The following CEP112 variants were observed in gnomAD, a reference collection of about 807,000 sequenced individuals.
CEP112 encodes the protein centrosomal protein of 112 kDa.
In CEP112, 127 loss-of-function variants were observed where a neutral mutation model predicts 153.0. The ratio of observed to expected loss-of-function variants is 0.83; its 90% CI spans 0.72 to 0.96. CEP112 has a LOEUF of 0.96. Among genes scored for constraint, CEP112 ranks in the 40% least tolerant of loss-of-function variants. The pLI, the probability that CEP112 is intolerant of heterozygous loss-of-function variation, is 0.00. For missense variants in CEP112, 1,089 were observed against 1,101.2 expected, an observed-to-expected ratio of 0.99 and a Z score of 0.16; for synonymous variants, 358 against 374.4, an observed-to-expected ratio of 0.96 and a Z score of 0.51.
At chr17:66,158,096 C>T (rs1259819317) in intron 4 of CEP112, among the ~76,000 whole-genome samples, 1 of 152,160 alleles carries the variant, frequency 6.6e-6, no homozygotes, top group East Asian at 1.9e-4. Context: ...TTCTTCTTAG[C>T]ACCATATCAC....
chr17:65,971,479 G>A (rs1347248277), intron 17 of CEP112, among the ~76,000 whole-genome samples: 2 of 149,944 alleles, frequency 1.3e-5, no homozygotes, highest in African/African-American at 5.0e-5. Flanking sequence ...TATCATGCAT[G>A]TATGACATGA....
intron 23 of CEP112, among the ~76,000 whole-genome samples, chr17:65,725,235 G>T (rs968335772): frequency 6.6e-6 from 1 of 152,172 alleles, no homozygotes; most frequent in Non-Finnish European, 1.5e-5. Context: ...AGTAAGGTTG[G>T]TGTTGATGTG....
At chr17:65,650,708 C>T (rs1045710766) in intron 24 of CEP112, among the ~76,000 whole-genome samples, 3 of 129,902 alleles carry the variant, frequency 2.3e-5, no homozygotes, top group Non-Finnish European at 4.7e-5. Context: ...CCAGCCTAGC[C>T]AACATGGTGA....
chr17:65,818,443 C>T (rs1438770508), intron 21 of CEP112, among the ~76,000 whole-genome samples: 1 of 151,736 alleles, frequency 6.6e-6, no homozygotes, highest in African/African-American at 2.4e-5. Context: ...ATATCTCAGC[C>T]CCTTCCTTAC....
chr17:65,978,959 C>G (rs866007643), intron 17 of CEP112, among the ~76,000 whole-genome samples: 11 of 152,288 alleles, frequency 7.2e-5, no homozygotes, highest in Admixed American at 3.9e-4. Context: ...AAATTTCCCT[C>G]TCAACTGGAA....
intron 12 of CEP112, among the ~76,000 whole-genome samples, chr17:66,031,698 G>A (rs1187854183): frequency 1.3e-5 from 2 of 152,012 alleles, no homozygotes; most frequent in Non-Finnish European, 2.9e-5. Flanking sequence ...CTGGCCTCAT[G>A]CAATTCACCC....
rs375401274 is a variant in CEP112, at chr17:65,700,100, TTCCTCCTCC to T, written c.2608-10891_2608-10883del. ...CACATGCTTTCTGCTCCTCCTCCTCTTCCTCCTCCTCCTCCTCCTCCTCTTCTCTCTCAC... is the reference window on the plus strand; with the variant it reads ...CACATGCTTTCTGCTCCTCCTCCTCTTCCTCCTCCTCCTCTTCTCTCTCAC... On this transcript the variant is annotated intron_variant, in intron 23 of 26. Coordinates refer to ENST00000535342, the MANE Select transcript of CEP112 (RefSeq NM_001199165.4). 3.4e-3 allele frequency among the ~76,000 whole-genome samples: 521 copies of T among 151,248 alleles called. 2 individuals carry two copies. The highest frequency in any genetic ancestry group is 6.8e-3 in the Middle Eastern group (2 of 292).
At chr17:65,743,890 T>C (rs1249184694) in intron 22 of CEP112, among the ~76,000 whole-genome samples, 3 of 151,936 alleles carry the variant, frequency 2.0e-5, no homozygotes, top group Admixed American at 1.3e-4. Flanking sequence ...GCCTCCCGAG[T>C]AGCTGGGATT....
intron 6 of CEP112, among the ~76,000 whole-genome samples, chr17:66,117,670 G>T (rs893292787): frequency 2.6e-5 from 4 of 152,094 alleles, no homozygotes; most frequent in African/African-American, 9.7e-5. Context: ...GACAGATGGG[G>T]CGACATCAAG....
intron 23 of CEP112, among the ~76,000 whole-genome samples, chr17:65,704,070 G>T (rs993213240): frequency 6.6e-6 from 1 of 152,034 alleles, no homozygotes; most frequent in African/African-American, 2.4e-5. Flanking sequence ...TCTTAATCCA[G>T]TATGACGGAC....
chr17:65,943,195 G>A (rs11870141), intron 18 of CEP112, among the ~76,000 whole-genome samples: 72,800 of 151,968 alleles, frequency 0.48, 18,430 homozygotes, highest in East Asian at 0.89. Flanking sequence ...ATTGGAACTA[G>A]TGTTCTCAAC....
At chr17:65,759,946 A>G (rs1350297955) in intron 21 of CEP112, among the ~76,000 whole-genome samples, 2 of 152,182 alleles carry the variant, frequency 1.3e-5, no homozygotes, top group Non-Finnish European at 2.9e-5. Flanking sequence ...AAAGTCAAAA[A>G]AATCATGAAG....
At chr17:65,918,866 T>G (rs1291716344) in intron 19 of CEP112, among the ~76,000 whole-genome samples, 2 of 152,224 alleles carry the variant, frequency 1.3e-5, no homozygotes, top group African/African-American at 4.8e-5. Context: ...TTTAAAATAC[T>G]ACTTCGCTGT....
chr17:66,146,127 C>A (rs2070908041), intron 4 of CEP112, among the ~76,000 whole-genome samples: 1 of 151,822 alleles, frequency 6.6e-6, no homozygotes, highest in Admixed American at 6.6e-5. Context: ...ACTGACCTAA[C>A]AAAATGACTT....
chr17:65,848,362 C>T (rs1001006098), intron 21 of CEP112, among the ~76,000 whole-genome samples: 1 of 152,196 alleles, frequency 6.6e-6, no homozygotes, highest in Non-Finnish European at 1.5e-5. Context: ...CAACCCTCAT[C>T]CTTCCTGAGT....
chr17:65,676,677 A>G lies in CEP112; in HGVS notation c.2697+12452T>C, dbSNP rs1264181905. On this transcript the variant is annotated intron_variant, in intron 24 of 26. Coordinates refer to ENST00000535342, the MANE Select transcript of CEP112 (RefSeq NM_001199165.4). ...AATGTTTGGTGAATTGAAGTTTCAA[A>G]GTGTCTAAAGAGTTTACAGTAAGAG... Among the ~76,000 whole-genome samples, 4 of 152,246 alleles carry G rather than the reference A, an allele frequency of 2.6e-5. No individual in the cohort carries two copies. The East Asian group carries it at 7.7e-4, about 29-fold the overall frequency.
At chr17:66,116,675 A>T (rs1196555592) in intron 6 of CEP112, among the ~76,000 whole-genome samples, 1 of 152,166 alleles carries the variant, frequency 6.6e-6, no homozygotes, top group Non-Finnish European at 1.5e-5. Flanking sequence ...AACTCATTTA[A>T]TTAGAATTTC....
chr17:65,956,972 G>A (rs986021325), intron 18 of CEP112, among the ~76,000 whole-genome samples: 1 of 152,122 alleles, frequency 6.6e-6, no homozygotes, highest in Non-Finnish European at 1.5e-5. Flanking sequence ...AGGGCAGGTA[G>A]GGTATACAGC....
intron 8 of CEP112, among the ~76,000 whole-genome samples, chr17:66,088,720 T>C (rs1221471234): frequency 6.6e-6 from 1 of 152,112 alleles, no homozygotes; most frequent in East Asian, 1.9e-4. Context: ...TAGACCTGAC[T>C]AACAGACCCA....
Sources: allele counts gnomAD v4.1 joint callset (sites outside exome capture counted in the v4.1 genomes callset), GRCh38; gene constraint gnomAD v4.1.1; transcripts MANE v1.5; gene names NCBI Gene and HGNC (gene_info 2026-07-23, HGNC 2026-07-21).